RPS6KA2: variants seen among roughly 807,000 people sequenced by gnomAD.
RPS6KA2 encodes ribosomal protein S6 kinase A2, also known as ribosomal protein S6 kinase alpha-2.
Under a neutral mutation model 91.8 loss-of-function variants are expected in RPS6KA2, and 42 were observed. That is an observed-to-expected ratio of 0.46 (90% confidence interval 0.36 to 0.59). RPS6KA2 has a LOEUF of 0.59. Among genes scored for constraint, RPS6KA2 ranks in the 20% least tolerant of loss-of-function variants. The pLI is 0.00. For synonymous variants in RPS6KA2, 414 were observed against 393.6 expected (o/e 1.05, Z -0.61); for missense variants, 798 against 978.5 (o/e 0.82, Z 2.46).
Position 166,533,480 on chromosome 6 carries a change from C to T in RPS6KA2, c.217-2167G>A, listed in dbSNP as rs1452761891. On this transcript the variant is annotated intron_variant, in intron 2 of 20. Coordinates refer to ENST00000265678, the MANE Select transcript of RPS6KA2 (RefSeq NM_021135.6). The surrounding 1 kb of genome is among the most constrained non-coding windows in gnomAD (Gnocchi z 4.0). ...GACAGTTGTGTTTGTGGCAGGGACG[C>T]CACATTTCCCCGGCATCCTGCAGGT... 6.6e-6 allele frequency among the ~76,000 whole-genome samples: 1 copy of T among 152,234 alleles called. No homozygotes were observed. Among genetic ancestry groups the T allele is most frequent in the Non-Finnish European group, 1.5e-5 (1 of 68,040 alleles).
rs554341279 is a variant in RPS6KA2 at position 166,784,322 on chromosome 6, C to T, written c.123+73878G>A. 3.3e-4 allele frequency among the ~76,000 whole-genome samples: 3 copies of T among 9,104 alleles called. 1 individual carries two copies. Among genetic ancestry groups the T allele is most frequent in the Non-Finnish European group, 5.3e-4 (2 of 3,762 alleles). 6.0% of individuals were successfully genotyped at this position (9,104 alleles called of 152,430 possible). ...CCACATATGCACACGTGCACACCTACGCATAACCACATATGCACACGTGCA... is the reference window on the plus strand; with the variant it reads ...CCACATATGCACACGTGCACACCTATGCATAACCACATATGCACACGTGCA... On this transcript the variant is annotated intron_variant, in intron 2 of 21. Coordinates refer to the RPS6KA2 transcript ENST00000503859.
chr6:166,829,810 T>C (rs77873118), intron 2 of RPS6KA2, among the ~76,000 whole-genome samples: 2,456 of 151,842 alleles, frequency 0.016, 66 homozygotes, highest in African/African-American at 0.056. Context: ...CGTTCAGCCT[T>C]AAGAAGAAAA....
chr6:166,429,887 TC>T (rs1779061403), intron 16 of RPS6KA2, among the ~76,000 whole-genome samples: 1 of 152,126 alleles, frequency 6.6e-6, no homozygotes, highest in Non-Finnish European at 1.5e-5. Flanking sequence ...TGTTAACCTG[TC>T]TTTGGCCAGT....
Position 166,770,770 on chromosome 6 carries a change from C to T in RPS6KA2, c.123+87430G>A. 1 of 1,265,584 alleles carries T rather than the reference C, an allele frequency of 7.9e-7. No individual in the cohort carries two copies. Among genetic ancestry groups the T allele is most frequent in the Non-Finnish European group, 1.1e-6 (1 of 908,910 alleles). The allele number at this position is 1,265,584 out of a possible 1,614,324, so 78.4% of individuals were successfully genotyped here. A position where few individuals can be genotyped will look rare whatever the true frequency, so the allele number is the denominator to read the frequency against. On this transcript the variant is annotated intron_variant, in intron 2 of 21. Coordinates refer to the RPS6KA2 transcript ENST00000503859. The surrounding 1 kb of genome is among the most constrained non-coding windows in gnomAD (Gnocchi z 5.1). ...GGACTCCGGGCACCGTGAAACAACTCAATAAATTGAAAAAGACTTCATGTT... is the reference window on the plus strand; with the variant it reads ...GGACTCCGGGCACCGTGAAACAACTTAATAAATTGAAAAAGACTTCATGTT...
chr6:166,757,604 G>C, intron 2 of RPS6KA2: 1 of 456,170 alleles, frequency 2.2e-6, no homozygotes, highest in South Asian at 1.5e-5. Context: ...CCCGGGGGCC[G>C]GGCTCCCCTT....
chr6:166,577,162 C>T (rs895909074), intron 1 of RPS6KA2, among the ~76,000 whole-genome samples: 3 of 152,208 alleles, frequency 2.0e-5, no homozygotes, highest in African/African-American at 7.2e-5. Flanking sequence ...CGCCTGGATG[C>T]CCAGGCAAAA....
intron 5 of RPS6KA2, among the ~76,000 whole-genome samples, chr6:166,505,716 C>T (rs1350326918): frequency 2.6e-5 from 4 of 152,248 alleles, no homozygotes; most frequent in Non-Finnish European, 5.9e-5. Context: ...GCTCTGCATC[C>T]TGACAGTGAC....
intron 2 of RPS6KA2, among the ~76,000 whole-genome samples, chr6:166,691,551 C>A (rs1657230694): frequency 6.6e-6 from 1 of 152,122 alleles, no homozygotes; most frequent in African/African-American, 2.4e-5. Flanking sequence ...CCCGGGCCTC[C>A]CCTGCTGCCC....
intron 2 of RPS6KA2, among the ~76,000 whole-genome samples, chr6:166,827,770 T>G (rs1177921826): frequency 6.6e-6 from 1 of 152,238 alleles, no homozygotes; most frequent in Admixed American, 6.5e-5. Context: ...AACCTCACAC[T>G]GCGTATCTTA....
chr6:166,855,448 GAGGAA>G (rs1780868486), intron 2 of RPS6KA2, among the ~76,000 whole-genome samples: 12 of 66,106 alleles, frequency 1.8e-4, no homozygotes, highest in Admixed American at 1.1e-3. Flanking sequence ...GGAAGAAGAA[GAGGAA>G]GAAGAAGAGG....
chr6:166,469,247 C>T (rs902841346), intron 11 of RPS6KA2, among the ~76,000 whole-genome samples: 1 of 151,914 alleles, frequency 6.6e-6, no homozygotes, highest in Non-Finnish European at 1.5e-5. Flanking sequence ...CCAGCCTGGC[C>T]CAGAGAACTG....
chr6:166,750,108 T>A (rs1791230421), intron 2 of RPS6KA2, among the ~76,000 whole-genome samples: 1 of 152,136 alleles, frequency 6.6e-6, no homozygotes, highest in Non-Finnish European at 1.5e-5. Flanking sequence ...GAGGTGCCCA[T>A]GCCGGAGAGA....
intron 1 of RPS6KA2, among the ~76,000 whole-genome samples, chr6:166,545,889 A>G (rs747937199): frequency 6.6e-6 from 1 of 152,232 alleles, no homozygotes; most frequent in Non-Finnish European, 1.5e-5. Context: ...TCCTTCCCAC[A>G]GAAAAGACGT....
At chr6:166,504,356 G>A (rs2071941) in intron 6 of RPS6KA2, 150 bp downstream of exon 6, 96,254 of 541,090 alleles carry the variant, frequency 0.18, 12,217 homozygotes, top group African/African-American at 0.49. Flanking sequence ...TGCCTGAGCC[G>A]GTCCTGCCGG....
At chr6:166,581,359 T>G (rs533607616) in intron 1 of RPS6KA2, among the ~76,000 whole-genome samples, 2 of 152,298 alleles carry the variant, frequency 1.3e-5, no homozygotes, top group East Asian at 3.9e-4. Flanking sequence ...CAGCGCCTTC[T>G]GGGGCCTAGG....
chr6:166,776,036 T>C (rs1778607664), intron 2 of RPS6KA2, among the ~76,000 whole-genome samples: 1 of 152,196 alleles, frequency 6.6e-6, no homozygotes, highest in Non-Finnish European at 1.5e-5. Flanking sequence ...TGAGGGTGTG[T>C]GCCTCTCCCC....
chr6:166,767,505 C>A lies in RPS6KA2; in HGVS notation c.123+90695G>T, dbSNP rs1330251126. 6.6e-6 allele frequency among the ~76,000 whole-genome samples: 1 copy of A among 152,142 alleles called. No homozygotes were observed. On this transcript the variant is annotated intron_variant, in intron 2 of 21. Transcript: ENST00000503859. The surrounding 1 kb of genome is among the most constrained non-coding windows in gnomAD (Gnocchi z 4.6). The stretch of plus-strand genomic sequence containing the variant: ...TTGGAAAATTAATTTTGTGACTCAG[C>A]TGAGGGCTGCTGCTGTCACCCAGGA...
At chr6:166,596,465 T>C (rs1001642758) in intron 1 of RPS6KA2, among the ~76,000 whole-genome samples, 1 of 151,936 alleles carries the variant, frequency 6.6e-6, no homozygotes, top group Non-Finnish European at 1.5e-5. Context: ...ACTTGCTGAG[T>C]CTTCTGGTCT....
intron 2 of RPS6KA2, among the ~76,000 whole-genome samples, chr6:166,781,326 G>A (rs933936327): frequency 3.3e-5 from 5 of 152,316 alleles, no homozygotes; most frequent in East Asian, 1.9e-4. Flanking sequence ...ACTTCTTAAC[G>A]TCAGTGGCTT....
Sources: allele counts gnomAD v4.1 joint callset (sites outside exome capture counted in the v4.1 genomes callset), GRCh38; gene constraint gnomAD v4.1.1; non-coding constraint Gnocchi (gnomAD v3.1); transcripts MANE v1.5; gene names NCBI Gene and HGNC (gene_info 2026-07-23, HGNC 2026-07-21).